The following KCNQ1 variants were observed in gnomAD, a reference collection of about 807,000 sequenced individuals.
KCNQ1 encodes the protein potassium voltage-gated channel subfamily KQT member 1.
A neutral mutation model predicts 72.4 loss-of-function variants in KCNQ1; 49 were observed. The observed-to-expected ratio is 0.68, with a 90% CI of 0.54 to 0.86. KCNQ1 has a LOEUF of 0.86. KCNQ1 is among the 40% of genes least tolerant of loss of function. The probability of loss-of-function intolerance (pLI) is 0.00; values close to 1 mark genes in which losing one functional copy is unlikely to be tolerated. For missense variants in KCNQ1, 790 were observed against 945.1 expected, an observed-to-expected ratio of 0.84 and a Z score of 2.15; for synonymous variants, 450 against 412.6, an observed-to-expected ratio of 1.09 and a Z score of -1.10.
Position 2,659,184 on chromosome 11 carries a change from C to A in KCNQ1, c.1394-2777C>A. Reference sequence around the variant, plus strand: ...GTGGGTTTTGACAGATGTCTGGAGTCATGTGTCCACAATCCAGTATCATTC... The same window carrying A: ...GTGGGTTTTGACAGATGTCTGGAGTAATGTGTCCACAATCCAGTATCATTC... On this transcript the variant is annotated intron_variant, in intron 10 of 15. Coordinates refer to ENST00000155840, the MANE Select transcript of KCNQ1 (RefSeq NM_000218.3). This position sits in a 1 kb window ranked among gnomAD's most constrained non-coding sequence, Gnocchi z 4.3. The A allele has an allele frequency of 2.5e-6, 1 of 398,586 alleles. No individual in the cohort carries two copies. Among genetic ancestry groups the A allele is most frequent in the South Asian group, 1.3e-4 (1 of 7,854 alleles). The allele number at this position is 398,586 out of a possible 1,614,324, so 24.7% of individuals were successfully genotyped here.
intron 15 of KCNQ1, among the ~76,000 whole-genome samples, chr11:2,834,109 C>G (rs1188015799): frequency 2.0e-5 from 3 of 152,204 alleles, no homozygotes; most frequent in Non-Finnish European, 2.9e-5. Context: ...GGGCTCAGCG[C>G]CTGCTGTGCC....
At chr11:2,792,701 C>T (rs1182977919) in intron 15 of KCNQ1, among the ~76,000 whole-genome samples, 2 of 152,192 alleles carry the variant, frequency 1.3e-5, no homozygotes, top group East Asian at 3.8e-4. Context: ...CTGGCCAGAG[C>T]CACGGACAAG....
At chr11:2,802,754 T>C (rs1346480516) in intron 15 of KCNQ1, among the ~76,000 whole-genome samples, 1 of 152,024 alleles carries the variant, frequency 6.6e-6, no homozygotes, top group Non-Finnish European at 1.5e-5. Context: ...TCCTGAAGAC[T>C]GCGAGCTAGA....
intron 10 of KCNQ1, among the ~76,000 whole-genome samples, chr11:2,590,406 G>A (rs1848655435): frequency 6.6e-6 from 1 of 152,236 alleles, no homozygotes; most frequent in African/African-American, 2.4e-5. Flanking sequence ...CCGTCCCAGG[G>A]CGTGGTCCCC....
At chr11:2,638,085 ATG>A (rs1320512930) in intron 10 of KCNQ1, 1 of 152,002 alleles carries the variant, frequency 6.6e-6, no homozygotes. Flanking sequence ...TGCACGTGAG[ATG>A]GGTCTCCTGA....
chr11:2,621,447 C>A lies in KCNQ1; in HGVS notation c.1393+32593C>A, dbSNP rs1232650167. ...TTCCTTATGGATTCTGGACATAGGA[C>A]CTTTGCCAGATGAATAGTTTGCAAA... On this transcript the variant is annotated intron_variant, in intron 10 of 15. Coordinates refer to ENST00000155840, the MANE Select transcript of KCNQ1 (RefSeq NM_000218.3). The surrounding 1 kb of genome is among the most constrained non-coding windows in gnomAD (Gnocchi z 5.7). 5.0e-6 allele frequency: 2 copies of A among 398,558 alleles called. No individual in the cohort carries two copies. The highest frequency in any genetic ancestry group is 4.1e-5 in the African/African-American group (2 of 48,708). 24.7% of individuals were successfully genotyped at this position (398,558 alleles called of 1,614,324 possible). A position where few individuals can be genotyped will look rare whatever the true frequency, so the allele number is the denominator to read the frequency against.
At chr11:2,632,350 TG>T (rs1195182968) in intron 10 of KCNQ1, 5 of 398,372 alleles carry the variant, frequency 1.3e-5, no homozygotes, top group Admixed American at 8.8e-5. Context: ...CCTTTCTAAA[TG>T]ATGCCTTTAT....
Position 2,526,352 on chromosome 11 carries a change from G to C in KCNQ1, c.387-1576G>C, listed in dbSNP as rs1282441937. Among the ~76,000 whole-genome samples the C allele has an allele frequency of 6.6e-6, 1 of 152,132 alleles. No homozygotes were observed. Among genetic ancestry groups the C allele is most frequent in the Non-Finnish European group, 1.5e-5 (1 of 68,020 alleles). Reference sequence around the variant, plus strand: ...CAGGTAGAGCTGACCGGTGTGGCAGGGACAGGGTGTCGGTGAGGCAGGTGG... The same window carrying C: ...CAGGTAGAGCTGACCGGTGTGGCAGCGACAGGGTGTCGGTGAGGCAGGTGG... On this transcript the variant is annotated intron_variant, in intron 1 of 15. Coordinates refer to ENST00000155840, the MANE Select transcript of KCNQ1 (RefSeq NM_000218.3). This position sits in a 1 kb window ranked among gnomAD's most constrained non-coding sequence, Gnocchi z 6.1.
chr11:2,512,873 C>T (rs1489535724), intron 1 of KCNQ1, among the ~76,000 whole-genome samples: 2 of 152,306 alleles, frequency 1.3e-5, no homozygotes, highest in African/African-American at 2.4e-5. Flanking sequence ...GTCCCCTTGG[C>T]GAGATCCTTG....
intron 10 of KCNQ1, chr11:2,640,802 C>T: frequency 5.0e-6 from 2 of 398,568 alleles, no homozygotes; most frequent in Non-Finnish European, 8.8e-6. Context: ...TGTATTTTTA[C>T]CCACTAACCA....
rs764236591 is a variant in KCNQ1, at chr11:2,588,752, G to T, written c.1291G>T (p.Val431Leu). Residue 431 changes from valine (V) to leucine (L), a missense_variant, in exon 10 of 16, where the codon GTG becomes TTG. This residue lies in a region of KCNQ1 where 178 missense variants were observed against 177.9 expected (regional missense o/e 1.00). Transcript: ENST00000155840. The surrounding 1 kb of genome is among the most constrained non-coding windows in gnomAD (Gnocchi z 5.6). ...GTTCAAGCTGGACAAAGACAATGGG[G>T]TGACTCCTGGAGAGAAGATGCTCAC... is the stretch of plus-strand genomic sequence containing the variant. ...KKFKLDKDNG[V>L]TPGEKMLTVP... 3.1e-6 allele frequency: 5 copies of T among 1,613,688 alleles called. No homozygotes were observed.
Position 2,688,503 on chromosome 11 carries a change from T to C in KCNQ1, c.1514+26422T>C, listed in dbSNP as rs11023793. ...CTGCCTCTGGTTGCCCTGCTCTGGGTGATGAGGTAGAGGTCACACAGCCAG... is the reference window on the plus strand; with the variant it reads ...CTGCCTCTGGTTGCCCTGCTCTGGGCGATGAGGTAGAGGTCACACAGCCAG... On this transcript the variant is annotated intron_variant, in intron 11 of 15. Transcript: ENST00000155840. 94,820 of 398,490 alleles carry C rather than the reference T, an allele frequency of 0.24. 12,501 individuals carry two copies. Among genetic ancestry groups the C allele is most frequent in the South Asian group, 0.37 (2,897 of 7,836 alleles). 24.7% of individuals were successfully genotyped at this position (398,490 alleles called of 1,614,324 possible). A position where few individuals can be genotyped will look rare whatever the true frequency, so the allele number is the denominator to read the frequency against.
At chr11:2,819,343 C>G (rs1847685483) in intron 15 of KCNQ1, among the ~76,000 whole-genome samples, 1 of 152,092 alleles carries the variant, frequency 6.6e-6, no homozygotes, top group African/African-American at 2.4e-5. Context: ...TGAGGCCCAG[C>G]CCACCCTCCC....
intron 1 of KCNQ1, among the ~76,000 whole-genome samples, chr11:2,487,466 G>C (rs1242402080): frequency 2.6e-5 from 4 of 152,164 alleles, no homozygotes; most frequent in Admixed American, 2.6e-4. Context: ...ACTTTGGGTA[G>C]TATTGATATC....
At chr11:2,580,874 C>T (rs1444351206) in intron 6 of KCNQ1, among the ~76,000 whole-genome samples, 1 of 152,220 alleles carries the variant, frequency 6.6e-6, no homozygotes, top group African/African-American at 2.4e-5. Context: ...CCTCAAGTCT[C>T]GGGCTGCACG....
chr11:2,524,169 C>T (rs1011128961), intron 1 of KCNQ1, among the ~76,000 whole-genome samples: 13 of 152,078 alleles, frequency 8.5e-5, no homozygotes, highest in African/African-American at 1.2e-4. Flanking sequence ...GAGGAAGAGA[C>T]GGGAGGATGG....
At chr11:2,496,103 C>CT (rs1408159465) in intron 1 of KCNQ1, among the ~76,000 whole-genome samples, 1 of 152,024 alleles carries the variant, frequency 6.6e-6, no homozygotes, top group African/African-American at 2.4e-5. Flanking sequence ...TCTTCTTTGT[C>CT]TTTTTTTATC....
At chr11:2,779,044 T>C (rs1470268707) in intron 15 of KCNQ1, among the ~76,000 whole-genome samples, 2 of 152,348 alleles carry the variant, frequency 1.3e-5, no homozygotes, top group East Asian at 3.9e-4. Flanking sequence ...CGAAGGCTGG[T>C]GTTCAGGTGC....
Position 2,617,633 on chromosome 11 carries a change from A to G in KCNQ1, c.1393+28779A>G. ...TATATTTTCAATTTCTTTAGGAGCC[A>G]CCATTCTGTTTTTCATTATGACTGC... On this transcript the variant is annotated intron_variant, in intron 10 of 15. Coordinates refer to ENST00000155840, the MANE Select transcript of KCNQ1 (RefSeq NM_000218.3). This position sits in a 1 kb window ranked among gnomAD's most constrained non-coding sequence, Gnocchi z 4.6. The G allele has an allele frequency of 2.5e-6, 1 of 398,460 alleles. No individual in the cohort carries two copies. Among genetic ancestry groups the G allele is most frequent in the East Asian group, 3.6e-5 (1 of 28,054 alleles). The allele number at this position is 398,460 out of a possible 1,614,324, so 24.7% of individuals were successfully genotyped here.
Sources: gnomAD v4.1 joint callset for allele counts (sites outside exome capture counted in the v4.1 genomes callset) on GRCh38, gnomAD v4.1.1 for gene constraint, gnomAD v4.1.1 regional missense constraint, Gnocchi (gnomAD v3.1) non-coding constraint, MANE v1.5 for transcripts, NCBI Gene and HGNC (gene_info 2026-07-23, HGNC 2026-07-21) for gene names.